The following CENPO variants were observed in gnomAD, a reference collection of about 807,000 sequenced individuals.
The protein encoded by CENPO is centromeric protein O.
In CENPO, 30 loss-of-function variants were observed where a neutral mutation model predicts 36.1. The observed-to-expected ratio is 0.83, with a 90% CI of 0.62 to 1.13. The LOEUF is 1.13. Ranked by LOEUF, CENPO falls within the 50% of genes most tolerant of loss-of-function variation. The probability of loss-of-function intolerance (pLI) is 0.00; values close to 1 mark genes in which losing one functional copy is unlikely to be tolerated. For synonymous variants in CENPO, 171 were observed against 142.3 expected, an observed-to-expected ratio of 1.20 and a Z score of -1.44; for missense variants, 349 against 357.8, an observed-to-expected ratio of 0.98 and a Z score of 0.20.
intron 5 of CENPO, chr2:24,816,007 G>C (rs934609): frequency 0.48 from 239,041 of 499,496 alleles, 60,654 homozygotes; most frequent in Admixed American, 0.61. Flanking sequence ...AGCTTTTATC[G>C]TAAGATTGTA....
chr2:24,816,106 A>G (rs1162703428), intron 5 of CENPO: 5 of 272,386 alleles, frequency 1.8e-5, no homozygotes, highest in South Asian at 5.0e-5. Flanking sequence ...AACCTTGGGT[A>G]TAGATCTCAT....
chr2:24,822,311 G>C lies in CENPO; in HGVS notation c.*2993G>C. 1 of 675,112 alleles carries C rather than the reference G, an allele frequency of 1.5e-6. No individual in the cohort carries two copies. Among genetic ancestry groups the C allele is most frequent in the South Asian group, 1.9e-5 (1 of 51,810 alleles). 41.8% of individuals were successfully genotyped at this position (675,112 alleles called of 1,614,324 possible). On this transcript the variant is annotated 3_prime_UTR_variant, in exon 8 of 8. Coordinates refer to ENST00000380834, the MANE Select transcript of CENPO (RefSeq NM_001322101.2). ...TAGGCCTGAGCTGTGAACAGCAGGG[G>C]GTTGTGTGTCTGTTCTGTTTCTCTG...
intron 3 of CENPO, among the ~76,000 whole-genome samples, chr2:24,809,980 G>A (rs1344839342): frequency 1.3e-5 from 2 of 151,562 alleles, no homozygotes; most frequent in African/African-American, 2.4e-5. Context: ...CCTGGGAGGC[G>A]GGGGTTACAG....
intron 3 of CENPO, among the ~76,000 whole-genome samples, chr2:24,808,626 C>A (rs868714077): frequency 6.6e-6 from 1 of 152,048 alleles, no homozygotes; most frequent in African/African-American, 2.4e-5. Flanking sequence ...TATGTTTTCT[C>A]CCTTATTTTA....
intron 3 of CENPO, among the ~76,000 whole-genome samples, chr2:24,802,681 C>G: frequency 6.6e-6 from 1 of 152,190 alleles, no homozygotes. Flanking sequence ...ATGAAGCCCA[C>G]TTGATCATGG....
At chr2:24,801,974 C>G (rs1410579210) in intron 3 of CENPO, among the ~76,000 whole-genome samples, 3 of 152,180 alleles carry the variant, frequency 2.0e-5, no homozygotes, top group Non-Finnish European at 4.4e-5. Context: ...GAATGTTCTC[C>G]CATTTGTTTG....
Position 24,819,829 on chromosome 2 carries a change from A to G in CENPO, c.*511A>G. ...AAGGCTGAGGAGGTTTCTAAACCTA[A>G]AGTCCATGAGTGTGCACTTCAATCC... On this transcript the variant is annotated 3_prime_UTR_variant, in exon 8 of 8. Transcript: ENST00000380834. 1 of 1,263,690 alleles carries G rather than the reference A, an allele frequency of 7.9e-7. No individual in the cohort carries two copies. The highest frequency in any genetic ancestry group is 1.1e-6 in the Non-Finnish European group (1 of 918,948). 78.3% of individuals were successfully genotyped at this position (1,263,690 alleles called of 1,614,324 possible).
chr2:24,819,118 A>T (rs1667135601), intron 7 of CENPO: 1 of 152,682 alleles, frequency 6.5e-6, no homozygotes, highest in Admixed American at 6.5e-5. Context: ...TGAGTCAGCA[A>T]AGTACCAGCA....
chr2:24,814,235 G>C, intron 3 of CENPO, 141 bp from the exon 4 acceptor site: 1 of 671,202 alleles, frequency 1.5e-6, no homozygotes, highest in Non-Finnish European at 2.7e-6. Flanking sequence ...TGAATTCATA[G>C]CAATAACTGA....
Position 24,821,678 on chromosome 2 carries a change from C to G in CENPO, c.*2360C>G, listed in dbSNP as rs2148347445. ...ACCGTGGAGAAAGTGTCAGGGGCCG[C>G]TCACTGCAGCAGCCTGCTCTGCTGC... On this transcript the variant is annotated 3_prime_UTR_variant, in exon 8 of 8. Coordinates refer to ENST00000380834, the MANE Select transcript of CENPO (RefSeq NM_001322101.2). 1 of 1,609,186 alleles carries G rather than the reference C, an allele frequency of 6.2e-7. No homozygotes were observed.
intron 4 of CENPO, among the ~76,000 whole-genome samples, chr2:24,815,000 G>A (rs1269434005): frequency 1.3e-5 from 2 of 151,992 alleles, no homozygotes; most frequent in East Asian, 3.8e-4. Flanking sequence ...CATCACTTTG[G>A]GAGGCTGAGG....
chr2:24,798,975 CTTTTTTTTTTTTTT>C (rs70947846), intron 2 of CENPO, among the ~76,000 whole-genome samples: 58,950 of 115,662 alleles, frequency 0.51, 14,324 homozygotes, highest in Admixed American at 0.65. Flanking sequence ...CTGGGGCTTC[CTTTTTTTTTTTTTT>C]TTTTTTTTTT....
At chr2:24,795,600 G>C (rs1473765313) in intron 2 of CENPO, among the ~76,000 whole-genome samples, 1 of 152,192 alleles carries the variant, frequency 6.6e-6, no homozygotes, top group Non-Finnish European at 1.5e-5. Flanking sequence ...AGAAGGAGCA[G>C]CATGATACTG....
rs1428471708 is a variant in CENPO, at chr2:24,820,909, A to T, written c.*1591A>T. On this transcript the variant is annotated 3_prime_UTR_variant, in exon 8 of 8. Transcript: ENST00000380834. ...GCCACACCTTGTTATGGGCCTCAGA[A>T]GCCATCTCCTCTCCAGACCTGTACC... is the stretch of plus-strand genomic sequence containing the variant. 4.4e-6 allele frequency: 7 copies of T among 1,595,422 alleles called. No homozygotes were observed. The highest frequency in any genetic ancestry group is 6.0e-6 in the Non-Finnish European group (7 of 1,169,762).
At position 24,815,957 on chromosome 2, in the gene CENPO, A is replaced by AT. The variant is rs1666921836; in HGVS notation, c.594+201_594+202insT. The AT allele has an allele frequency of 1.0e-5, 6 of 587,484 alleles. No homozygotes were observed. The East Asian group carries it at 1.5e-4, about 14-fold the overall frequency. 36.4% of individuals were successfully genotyped at this position (587,484 alleles called of 1,614,324 possible). On this transcript the variant is annotated intron_variant, in intron 5 of 7. Coordinates refer to ENST00000380834, the MANE Select transcript of CENPO (RefSeq NM_001322101.2). Reference sequence around the variant, plus strand: ...CTCTGGATGGCGTTGAAGCCTGGGTACTGGTTAAAGGATTATGCACCCCTG... The same window carrying AT: ...CTCTGGATGGCGTTGAAGCCTGGGTATCTGGTTAAAGGATTATGCACCCCTG...
intron 3 of CENPO, among the ~76,000 whole-genome samples, chr2:24,800,338 T>A (rs2148257098): frequency 6.6e-6 from 1 of 152,356 alleles, no homozygotes; most frequent in South Asian, 2.1e-4. Flanking sequence ...TTAATTTTTT[T>A]ATTATACTTT....
Position 24,814,438 on chromosome 2 carries a change from A to T in CENPO, c.279A>T (p.Ala93=). The change falls in exon 4 of 8, where the codon GCA becomes GCT. Residue 93 remains alanine (A), a synonymous_variant. Coordinates refer to ENST00000380834, the MANE Select transcript of CENPO (RefSeq NM_001322101.2). ...CAGTGGAGATCAATGAGCAAGAAGC[A>T]TTGGAAGAGAAATTGGAAAATGTGA... is the stretch of plus-strand genomic sequence containing the variant. ...NQTVEINEQE[A]LEEKLENVKA... The T allele has an allele frequency of 6.2e-7, 1 of 1,608,846 alleles. No individual in the cohort carries two copies. The highest frequency in any genetic ancestry group is 8.5e-7 in the Non-Finnish European group (1 of 1,175,162).
chr2:24,817,777 G>A lies in CENPO; in HGVS notation c.874G>A (p.Glu292Lys), dbSNP rs1667027418. Residue 292 changes from glutamate (E) to lysine (K), a missense_variant, in exon 7 of 8, where the codon GAA becomes AAA. Coordinates refer to ENST00000380834, the MANE Select transcript of CENPO (RefSeq NM_001322101.2). Reference sequence around the variant, plus strand: ...GTTTGCCTCATTTACAAGAAAAGGAGAAAAGTTGGATATGAGTCTGGTCTC... The same window carrying A: ...GTTTGCCTCATTTACAAGAAAAGGAAAAAAGTTGGATATGAGTCTGGTCTC... The part of the protein sequence containing the change: ...QVFASFTRKG[E>K]KLDMSLVS The A allele has an allele frequency of 6.2e-7, 1 of 1,614,086 alleles. No individual in the cohort carries two copies. Among genetic ancestry groups the A allele is most frequent in the South Asian group, 1.1e-5 (1 of 91,090 alleles).
At chr2:24,805,639 G>A (rs114226448) in intron 3 of CENPO, among the ~76,000 whole-genome samples, 7,918 of 152,232 alleles carry the variant, frequency 0.052, 304 homozygotes, top group African/African-American at 0.1. Flanking sequence ...GCAGAGCAGC[G>A]AATGTTGGTG....
Sources: allele counts gnomAD v4.1 joint callset (sites outside exome capture counted in the v4.1 genomes callset), GRCh38; gene constraint gnomAD v4.1.1; transcripts MANE v1.5; gene names NCBI Gene and HGNC (gene_info 2026-07-23, HGNC 2026-07-21).